NEIL1: variants seen among roughly 807,000 people sequenced by gnomAD.
The protein encoded by NEIL1 is endonuclease 8-like 1.
A neutral mutation model predicts 44.2 loss-of-function variants in NEIL1; 31 were observed. The ratio of observed to expected loss-of-function variants is 0.70; its 90% CI spans 0.53 to 0.95. The LOEUF (loss-of-function observed/expected upper bound fraction) is 0.95, where lower values mean the gene tolerates loss of function less well. NEIL1 is among the 40% of genes least tolerant of loss of function. The pLI is 0.00. For missense variants in NEIL1, 549 were observed against 515.5 expected (o/e 1.07, Z -0.63); for synonymous variants, 254 against 209.7 (o/e 1.21, Z -1.83).
chr15:75,349,427 C>G, intron 2 of NEIL1, 88 bp downstream of exon 2: 1 of 1,296,890 alleles, frequency 7.7e-7, no homozygotes, highest in Non-Finnish European at 1.1e-6. Context: ...GGGGCGAGTC[C>G]CTGCCCCTTC....
chr15:75,352,475 AG>A (rs2071993887), intron 4 of NEIL1, 88 bp downstream of exon 4: 4 of 1,573,562 alleles, frequency 2.5e-6, no homozygotes, highest in Non-Finnish European at 3.5e-6. Context: ...AGGTGTCCCC[AG>A]CTTAGCTCAA....
In NEIL1 at chr15:75,349,100, G is replaced by A. The variant is rs771252415; in HGVS notation, c.195G>A (p.Gly65=). Reference sequence around the variant, plus strand: ...GCCTGATACTGAGCCCTCTGCCTGGGGCCCAGCCCCAACAGGAGCCACTGG... The same window carrying A: ...GCCTGATACTGAGCCCTCTGCCTGGAGCCCAGCCCCAACAGGAGCCACTGG... The part of the protein sequence containing the change: ...ELRLILSPLP[G]AQPQQEPLAL... The change falls in exon 2 of 10, where the codon GGG becomes GGA. Residue 65 remains glycine, a synonymous_variant. Coordinates refer to ENST00000355059, the MANE Select transcript of NEIL1 (RefSeq NM_024608.4). 3 of 1,612,116 alleles carry A rather than the reference G, an allele frequency of 1.9e-6. No homozygotes were observed. Among genetic ancestry groups the A allele is most frequent in the Non-Finnish European group, 2.5e-6 (3 of 1,179,922 alleles).
chr15:75,354,123 T>A (rs969485759), intron 6 of NEIL1, 127 bp from the exon 7 acceptor site: 57 of 1,167,944 alleles, frequency 4.9e-5, no homozygotes, highest in Non-Finnish European at 6.7e-5. Context: ...ATGGGGGATG[T>A]CCTAGAGGCT....
chr15:75,347,835 G>T (rs540571613), intron 1 of NEIL1: 3 of 1,173,348 alleles, frequency 2.6e-6, no homozygotes, highest in Admixed American at 3.2e-5. Flanking sequence ...CCAAAACTAG[G>T]ATTTGGAGCC....
At position 75,356,978 on chromosome 15, in the gene NEIL1, C is replaced by T. The variant is rs2072334077; in HGVS notation, c.*1944C>T. 8.3e-7 allele frequency: 1 copy of T among 1,208,862 alleles called. No individual in the cohort carries two copies. Among genetic ancestry groups the T allele is most frequent in the South Asian group, 1.3e-5 (1 of 78,700 alleles). 74.9% of individuals were successfully genotyped at this position (1,208,862 alleles called of 1,614,324 possible). On this transcript the variant is annotated 3_prime_UTR_variant, in exon 10 of 10. Coordinates refer to ENST00000355059, the MANE Select transcript of NEIL1 (RefSeq NM_024608.4). This position sits in a 1 kb window ranked among gnomAD's most constrained non-coding sequence, Gnocchi z 5.8. ...CTCCCAGACTCCAGAGCTCCTGTCA[C>T]TAGGCCGAGCACAAGCTCTAGAACC...
rs1345377716 is a variant in NEIL1, at chr15:75,354,725, A to AC, written c.1012dup (p.Gln338ProfsTer4). 1.5e-5 allele frequency: 24 copies of AC among 1,613,994 alleles called. No individual in the cohort carries two copies. Among genetic ancestry groups the AC allele is most frequent in the Non-Finnish European group, 2.0e-5 (24 of 1,180,030 alleles). On this transcript the variant is annotated frameshift_variant, in exon 9 of 10. Transcript: ENST00000355059. LOFTEE classifies it high-confidence loss of function. ...GAGAGACCTTCCTAAGAGGACTGCA[A>AC]CCCAGCGGCCTGAGGGGACCAGCCT...
intron 1 of NEIL1, chr15:75,348,553 G>A (rs2071622223): frequency 1.7e-6 from 2 of 1,189,252 alleles, no homozygotes; most frequent in Admixed American, 4.0e-5. Flanking sequence ...AGATCCGTGA[G>A]TGAGGGGAGC....
At chr15:75,353,563 C>G (rs757149067) in intron 5 of NEIL1, 176 bp from the exon 6 acceptor site, 2 of 767,832 alleles carry the variant, frequency 2.6e-6, no homozygotes, top group South Asian at 2.7e-5. Context: ...GATGGGAAAC[C>G]CATGGCCGAG....
intron 5 of NEIL1, 113 bp downstream of exon 5, chr15:75,352,814 A>C (rs1407706611): frequency 2.4e-6 from 2 of 832,532 alleles, no homozygotes; most frequent in Non-Finnish European, 2.0e-6. Context: ...GCCCTAGCTG[A>C]TACTCAATGG....
chr15:75,351,432 A>C lies in NEIL1; in HGVS notation c.435-679A>C, dbSNP rs569875172. 5 of 361,352 alleles carry C rather than the reference A, an allele frequency of 1.4e-5. No homozygotes were observed. In the East Asian group the frequency reaches 3.8e-4, roughly 28 times the overall value. 22.4% of individuals were successfully genotyped at this position (361,352 alleles called of 1,614,324 possible). On this transcript the variant is annotated intron_variant, in intron 2 of 9. Transcript: ENST00000355059. ...CTGGAACCACAGGAGTGCATCACTA[A>C]GCCCCTGGCTACTTCTTAAATTTTT...
In NEIL1 at chr15:75,357,027, C is replaced by T. The variant is rs532106572; in HGVS notation, c.*1993C>T. The T allele has an allele frequency of 1.8e-3, 1,334 of 729,744 alleles. 5 individuals carry two copies. The highest frequency in any genetic ancestry group is 1.6e-3 in the Non-Finnish European group (690 of 435,956). 45.2% of individuals were successfully genotyped at this position (729,744 alleles called of 1,614,324 possible). Reference sequence around the variant, plus strand: ...CCACACAACTGAACTCCAGCTCCCACTGTACGGGGCCCTGGGCATGCCACC... The same window carrying T: ...CCACACAACTGAACTCCAGCTCCCATTGTACGGGGCCCTGGGCATGCCACC... On this transcript the variant is annotated 3_prime_UTR_variant, in exon 10 of 10. Transcript: ENST00000355059.
chr15:75,348,012 G>A (rs1018318673), intron 1 of NEIL1: 3 of 1,190,376 alleles, frequency 2.5e-6, no homozygotes, highest in Non-Finnish European at 3.2e-6. Flanking sequence ...AAGTGGCAAA[G>A]CAGGGAGGGC....
In NEIL1 at chr15:75,354,976, C is replaced by T. The variant is rs748590796; in HGVS notation, c.1115C>T (p.Pro372Leu). The T allele has an allele frequency of 8.1e-6, 13 of 1,613,970 alleles. No individual in the cohort carries two copies. Among genetic ancestry groups the T allele is most frequent in the Middle Eastern group, 3.3e-4 (2 of 6,084 alleles). Reference protein sequence around the residue: ...GRQAASGHCRPRKVKADIPSL... With the variant: ...GRQAASGHCRLRKVKADIPSL... Reference sequence around the variant, plus strand: ...GTTCTTCCCCCAGGCCACTGCAGACCCCGGAAGGTCAAGGCTGACATCCCA... The same window carrying T: ...GTTCTTCCCCCAGGCCACTGCAGACTCCGGAAGGTCAAGGCTGACATCCCA... Residue 372 changes from proline (P) to leucine (L), a missense_variant, in exon 10 of 10, where the codon CCC becomes CTC. Physicochemically the swap from Pro to Leu is moderately conservative, Grantham distance 98. Transcript: ENST00000355059.
Position 75,352,311 on chromosome 15 carries a change from G to GC in NEIL1, c.555-8dup, listed in dbSNP as rs759120834. 6.2e-7 allele frequency: 1 copy of GC among 1,614,116 alleles called. No individual in the cohort carries two copies. The highest frequency in any genetic ancestry group is 8.5e-7 in the Non-Finnish European group (1 of 1,180,008). The stretch of plus-strand genomic sequence containing the variant: ...CCCACTGCCTAGCATGGCTTGCCTT[G>GC]CCCCCACTACAGGCTGAAGATCCCC... On this transcript the variant is annotated splice_polypyrimidine_tract_variant and intron_variant, in intron 3 of 9. Coordinates refer to ENST00000355059, the MANE Select transcript of NEIL1 (RefSeq NM_024608.4).
rs5745934 is a variant in NEIL1 at position 75,356,182 on chromosome 15, C to T, written c.*1148C>T. The T allele has an allele frequency of 1.4e-5, 22 of 1,613,610 alleles. No individual in the cohort carries two copies. Among genetic ancestry groups the T allele is most frequent in the Non-Finnish European group, 1.8e-5 (21 of 1,179,992 alleles). On this transcript the variant is annotated 3_prime_UTR_variant, in exon 10 of 10. Coordinates refer to ENST00000355059, the MANE Select transcript of NEIL1 (RefSeq NM_024608.4). This position sits in a 1 kb window ranked among gnomAD's most constrained non-coding sequence, Gnocchi z 5.8. ...GTGGCTGCCGTGGGCCTCATACAGC[C>T]TCAGGACCAGCGAGCGGCGCTGGGG...
chr15:75,352,114 G>A lies in NEIL1; in HGVS notation c.438G>A (p.Glu146=), dbSNP rs1424109146. 1 of 1,614,180 alleles carries A rather than the reference G, an allele frequency of 6.2e-7. No homozygotes were observed. Among genetic ancestry groups the A allele is most frequent in the Non-Finnish European group, 8.5e-7 (1 of 1,180,020 alleles). ...CACCCAGACCGTGTTCCTCCAGGGA[G>A]AATGTGCTACGAAACCTAGCGGATA... ...CVLQEYQQFR[E]NVLRNLADKA... The change falls in exon 3 of 10, where the codon GAG becomes GAA. Residue 146 remains glutamate (E), a synonymous_variant. Transcript: ENST00000355059.
chr15:75,348,790 C>A (rs1265495291), intron 1 of NEIL1, 94 bp from the exon 2 acceptor site: 3 of 1,508,936 alleles, frequency 2.0e-6, no homozygotes, highest in East Asian at 4.7e-5. Flanking sequence ...ACATGCCCAT[C>A]TGACCCTCCG....
At chr15:75,348,577 G>A (rs1325798034) in intron 1 of NEIL1, 22 of 1,242,818 alleles carry the variant, frequency 1.8e-5, no homozygotes, top group Admixed American at 3.7e-5. Flanking sequence ...GAAGAAGTAA[G>A]GCTGCAGCCG....
Position 75,356,411 on chromosome 15 carries a change from T to A in NEIL1, c.*1377T>A. 6.2e-7 allele frequency: 1 copy of A among 1,609,266 alleles called. No homozygotes were observed. Among genetic ancestry groups the A allele is most frequent in the Non-Finnish European group, 8.5e-7 (1 of 1,178,314 alleles). On this transcript the variant is annotated 3_prime_UTR_variant, in exon 10 of 10. Transcript: ENST00000355059. This position sits in a 1 kb window ranked among gnomAD's most constrained non-coding sequence, Gnocchi z 5.8. ...AGAGCCAACAGGGGGAAGTTTAGGC[T>A]GTAGGCAGCTTGGATAACGCCAGCA...
Sources: allele counts gnomAD v4.1 joint callset, GRCh38; gene constraint gnomAD v4.1.1; non-coding constraint Gnocchi (gnomAD v3.1); transcripts MANE v1.5; gene names NCBI Gene and HGNC (gene_info 2026-07-23, HGNC 2026-07-21).